Variants in TRPM3 observed in about 807,000 individuals in gnomAD.
TRPM3 encodes the protein transient receptor potential cation channel subfamily M member 3, also known as long transient receptor potential channel 3.
A neutral mutation model predicts 181.2 loss-of-function variants in TRPM3; 77 were observed. That is an observed-to-expected ratio of 0.42 (90% CI 0.35 to 0.51). TRPM3 has a LOEUF of 0.51. TRPM3 is among the 20% of genes least tolerant of loss of function. The pLI is 0.01. For missense variants in TRPM3, 1,759 were observed against 2,196.7 expected (o/e 0.80, Z 3.98); for synonymous variants, 745 against 796.4 (o/e 0.94, Z 1.09).
At chr9:71,038,233 T>C (rs1303653109) in intron 1 of TRPM3, among the ~76,000 whole-genome samples, 1 of 152,222 alleles carries the variant, frequency 6.6e-6, no homozygotes, top group African/African-American at 2.4e-5. Flanking sequence ...TGAATGTAGA[T>C]CAGGAGCATG....
intron 1 of TRPM3, among the ~76,000 whole-genome samples, chr9:70,986,556 T>A (rs927607756): frequency 3.3e-5 from 5 of 152,154 alleles, no homozygotes; most frequent in African/African-American, 1.2e-4. Context: ...GAGGTGGATA[T>A]TATTATCTCC....
At chr9:71,161,071 A>G (rs1243166771) in intron 1 of TRPM3, among the ~76,000 whole-genome samples, 1 of 152,194 alleles carries the variant, frequency 6.6e-6, no homozygotes, top group Non-Finnish European at 1.5e-5. Context: ...GCTCAGGGAA[A>G]ATTATACCAA....
At chr9:70,537,457 G>T (rs781550856) in intron 25 of TRPM3, 52 bp from the exon 26 acceptor site, 2 of 1,391,534 alleles carry the variant, frequency 1.4e-6, no homozygotes, top group African/African-American at 2.9e-5. Flanking sequence ...CTCTGCTGGG[G>T]CTTTAGAGAG....
At chr9:71,286,296 C>T (rs1312781476) in intron 1 of TRPM3, among the ~76,000 whole-genome samples, 2 of 151,972 alleles carry the variant, frequency 1.3e-5, no homozygotes, top group African/African-American at 2.4e-5. Flanking sequence ...TAAGCTAAAC[C>T]GGGGGAGGGC....
intron 8 of TRPM3, among the ~76,000 whole-genome samples, chr9:70,695,879 C>G (rs762892325): frequency 6.6e-6 from 1 of 152,172 alleles, no homozygotes; most frequent in Non-Finnish European, 1.5e-5. Flanking sequence ...GAGATACACT[C>G]GAGCCCAGAC....
chr9:71,201,976 T>C (rs1460602562), intron 1 of TRPM3, among the ~76,000 whole-genome samples: 2 of 152,216 alleles, frequency 1.3e-5, no homozygotes, highest in East Asian at 3.8e-4. Context: ...ACTTTTGGTC[T>C]TTGATGATGG....
chr9:71,138,141 C>T (rs560629065), intron 1 of TRPM3, among the ~76,000 whole-genome samples: 2 of 151,778 alleles, frequency 1.3e-5, no homozygotes, highest in Admixed American at 6.6e-5. Context: ...AAAAAAAAGA[C>T]GATGCTGCCT....
intron 1 of TRPM3, among the ~76,000 whole-genome samples, chr9:71,433,129 C>T (rs1300195823): frequency 6.6e-6 from 1 of 152,158 alleles, no homozygotes; most frequent in African/African-American, 2.4e-5. Flanking sequence ...TTGTTTCATG[C>T]TTCACTGGTA....
At chr9:71,143,761 C>T (rs1964051) in intron 1 of TRPM3, among the ~76,000 whole-genome samples, 49,037 of 152,030 alleles carry the variant, frequency 0.32, 9,215 homozygotes, top group Middle Eastern at 0.51. Context: ...TGAGGAATTG[C>T]CACACTGTCT....
chr9:71,338,697 T>C (rs1013099689), intron 1 of TRPM3, among the ~76,000 whole-genome samples: 1 of 152,080 alleles, frequency 6.6e-6, no homozygotes, highest in African/African-American at 2.4e-5. Flanking sequence ...TTTGACAAGA[T>C]TTAACACCCA....
chr9:70,774,778 T>C (rs73453859), intron 7 of TRPM3: 2 of 152,322 alleles, frequency 1.3e-5, no homozygotes, highest in African/African-American at 4.8e-5. Flanking sequence ...TTGCTTTGCA[T>C]GGAATATCCC....
intron 1 of TRPM3, among the ~76,000 whole-genome samples, chr9:71,154,921 A>C (rs1028909058): frequency 2.6e-5 from 4 of 152,178 alleles, no homozygotes; most frequent in Non-Finnish European, 4.4e-5. Flanking sequence ...ATTACTAATG[A>C]AACAAACTCA....
intron 1 of TRPM3, among the ~76,000 whole-genome samples, chr9:71,435,867 AAGAG>A (rs748828547): frequency 6.6e-6 from 1 of 152,204 alleles, no homozygotes; most frequent in Non-Finnish European, 1.5e-5. Context: ...CTAAATGCAG[AAGAG>A]AGAGGCAGAA....
rs939791071 is a variant in TRPM3, at chr9:70,869,084, C to G, written c.178-4573G>C. The stretch of plus-strand genomic sequence containing the variant: ...AGGGCTGGTCATTCCGTTAATAATG[C>G]TCTTATGACCGCCCACTGGAAAAAA... On this transcript the variant is annotated intron_variant, in intron 1 of 25. Transcript: ENST00000677713. 49 of 982,784 alleles carry G rather than the reference C, an allele frequency of 5.0e-5. No homozygotes were observed. The African/African-American group carries it at 8.4e-4, about 17-fold the overall frequency. 60.9% of individuals were successfully genotyped at this position (982,784 alleles called of 1,614,324 possible).
chr9:71,416,511 T>C (rs2093639084), intron 1 of TRPM3, among the ~76,000 whole-genome samples: 1 of 151,920 alleles, frequency 6.6e-6, no homozygotes, highest in Admixed American at 6.6e-5. Flanking sequence ...GCTGGTTTCC[T>C]GGATAATGTT....
At chr9:71,378,824 T>C (rs1457657860) in intron 1 of TRPM3, among the ~76,000 whole-genome samples, 2 of 152,042 alleles carry the variant, frequency 1.3e-5, no homozygotes, top group Non-Finnish European at 1.5e-5. Context: ...AAGTCCAGCC[T>C]TTATACTAAA....
intron 6 of TRPM3, among the ~76,000 whole-genome samples, chr9:70,787,309 CTG>C (rs1322425201): frequency 1.4e-4 from 21 of 152,090 alleles, no homozygotes; most frequent in Non-Finnish European, 1.3e-4. Context: ...ACGGAGCAAA[CTG>C]TCATCTTTTT....
In TRPM3 at chr9:71,266,340, CA is replaced by C. The variant is rs891892332; in HGVS notation, c.183+180312del. Among the ~76,000 whole-genome samples the C allele has an allele frequency of 7.5e-3, 1,118 of 148,796 alleles. 17 individuals carry two copies. The highest frequency in any genetic ancestry group is 0.027 in the African/African-American group (1,078 of 40,634). On this transcript the variant is annotated intron_variant, in intron 1 of 24. Coordinates refer to the TRPM3 transcript ENST00000357533. Reference sequence around the variant, plus strand: ...TAATTTTTATATCATGAGGGAGTGGCAAAAAAAAAGGTCTACCTTTGATGCT... The same window carrying C: ...TAATTTTTATATCATGAGGGAGTGGCAAAAAAAAGGTCTACCTTTGATGCT...
At chr9:70,898,157 C>T (rs2096310992) in intron 1 of TRPM3, among the ~76,000 whole-genome samples, 1 of 151,332 alleles carries the variant, frequency 6.6e-6, no homozygotes, top group South Asian at 2.1e-4. Flanking sequence ...GAGTCTGGCT[C>T]TGTCGCCCAG....
Sources: gnomAD v4.1 joint callset for allele counts (sites outside exome capture counted in the v4.1 genomes callset) on GRCh38, gnomAD v4.1.1 for gene constraint, MANE v1.5 for transcripts, NCBI Gene and HGNC (gene_info 2026-07-23, HGNC 2026-07-21) for gene names.